The following NCAM2 variants were observed in gnomAD, a reference collection of about 807,000 sequenced individuals.
The protein encoded by NCAM2 is N-CAM-2.
NCAM2 carries 30 observed loss-of-function variants against 98.1 expected under a neutral mutation model. The observed-to-expected ratio is 0.31, with a 90% CI of 0.23 to 0.41. The LOEUF (loss-of-function observed/expected upper bound fraction) is 0.41, where lower values mean the gene tolerates loss of function less well. Among genes scored for constraint, NCAM2 ranks in the 10% least tolerant of loss-of-function variants. The pLI is 1.00. For missense variants in NCAM2, 867 were observed against 1,005.8 expected, an observed-to-expected ratio of 0.86 and a Z score of 1.87; for synonymous variants, 368 against 342.4, an observed-to-expected ratio of 1.07 and a Z score of -0.83.
intron 1 of NCAM2, among the ~76,000 whole-genome samples, chr21:21,042,673 G>T (rs922235338): frequency 6.6e-6 from 1 of 152,042 alleles, no homozygotes; most frequent in African/African-American, 2.4e-5. Flanking sequence ...CTCCCCTCAG[G>T]CCCTTCATTT....
intron 1 of NCAM2, among the ~76,000 whole-genome samples, chr21:21,023,607 A>T (rs1274415682): frequency 1.3e-5 from 2 of 152,060 alleles, no homozygotes; most frequent in African/African-American, 2.4e-5. Context: ...AGCTTAATAG[A>T]TGATGTCTCC....
intron 8 of NCAM2, among the ~76,000 whole-genome samples, chr21:21,370,826 C>T (rs1235316305): frequency 6.6e-6 from 1 of 151,846 alleles, no homozygotes; most frequent in East Asian, 1.9e-4. Context: ...ATTAAATACA[C>T]TAGTAAATGT....
At chr21:21,047,429 T>G (rs1346920885) in intron 1 of NCAM2, among the ~76,000 whole-genome samples, 1 of 152,200 alleles carries the variant, frequency 6.6e-6, no homozygotes, top group Non-Finnish European at 1.5e-5. Flanking sequence ...TTGACAGGTT[T>G]TTTTGCTTGT....
At chr21:21,379,476 C>G (rs188006498) in intron 9 of NCAM2, among the ~76,000 whole-genome samples, 1 of 152,074 alleles carries the variant, frequency 6.6e-6, no homozygotes, top group African/African-American at 2.4e-5. Flanking sequence ...TGTGATTCAG[C>G]TAAAAATATA....
chr21:21,445,030 A>G (rs1979894483), intron 12 of NCAM2, among the ~76,000 whole-genome samples: 1 of 151,926 alleles, frequency 6.6e-6, no homozygotes, highest in African/African-American at 2.4e-5. Flanking sequence ...CTGGTACTTC[A>G]TCTCTTCATT....
intron 6 of NCAM2, among the ~76,000 whole-genome samples, chr21:21,325,854 C>T (rs1156615989): frequency 6.6e-6 from 1 of 152,114 alleles, no homozygotes. Context: ...TTGAGATACT[C>T]ATGTTCCACT....
chr21:21,342,043 A>G (rs1041388652), intron 8 of NCAM2, among the ~76,000 whole-genome samples: 6 of 152,158 alleles, frequency 3.9e-5, no homozygotes, highest in African/African-American at 1.4e-4. Flanking sequence ...TTCACTTCCC[A>G]TGGGAGAAAA....
intron 15 of NCAM2, among the ~76,000 whole-genome samples, chr21:21,496,717 G>T (rs1987263503): frequency 6.6e-6 from 1 of 152,096 alleles, no homozygotes; most frequent in Admixed American, 6.6e-5. Context: ...TATTTCTTAG[G>T]TTGTCGTCCA....
intron 16 of NCAM2, among the ~76,000 whole-genome samples, chr21:21,513,905 TA>T (rs1393441501): frequency 6.6e-6 from 1 of 152,052 alleles, no homozygotes; most frequent in Non-Finnish European, 1.5e-5. Flanking sequence ...ATAATTGTTA[TA>T]TTCCCTTGAT....
At chr21:21,298,598 GATAGA>G (rs2073581677) in intron 5 of NCAM2, among the ~76,000 whole-genome samples, 1 of 53,768 alleles carries the variant, frequency 1.9e-5, no homozygotes, top group Admixed American at 1.8e-4. Flanking sequence ...CAGATAGATA[GATAGA>G]TAGATAGATA....
At chr21:21,007,787 A>G (rs982753784) in intron 1 of NCAM2, among the ~76,000 whole-genome samples, 4 of 152,002 alleles carry the variant, frequency 2.6e-5, no homozygotes, top group African/African-American at 9.7e-5. Context: ...CAAGGTCTTT[A>G]TGACCTGTAT....
At chr21:21,265,356 A>G (rs1004877680) in intron 1 of NCAM2, among the ~76,000 whole-genome samples, 2 of 106,460 alleles carry the variant, frequency 1.9e-5, no homozygotes, top group African/African-American at 7.0e-5. Flanking sequence ...GTATGTATAT[A>G]TTATATTATA....
intron 15 of NCAM2, among the ~76,000 whole-genome samples, chr21:21,504,117 ATCT>A (rs904664801): frequency 6.6e-6 from 1 of 151,934 alleles, no homozygotes; most frequent in African/African-American, 2.4e-5. Context: ...TTTTATCCAT[ATCT>A]TTTCATTACT....
intron 12 of NCAM2, among the ~76,000 whole-genome samples, chr21:21,437,474 C>CTGTGTGTGTGTGTGTGTG (rs3990174): frequency 0.15 from 21,764 of 144,148 alleles, 1,680 homozygotes; most frequent in African/African-American, 0.17. Flanking sequence ...CACCAAGATT[C>CTGTGTGTGTGTGTGTGTG]TGTGTGTGTG....
intron 1 of NCAM2, among the ~76,000 whole-genome samples, chr21:21,184,109 G>A (rs951097617): frequency 2.0e-5 from 3 of 151,970 alleles, no homozygotes; most frequent in Non-Finnish European, 2.9e-5. Context: ...TTGGGCTTTG[G>A]AGGAATTTTA....
At chr21:21,042,992 TACTC>T (rs1476053537) in intron 1 of NCAM2, among the ~76,000 whole-genome samples, 9 of 152,218 alleles carry the variant, frequency 5.9e-5, no homozygotes, top group East Asian at 5.8e-4. Flanking sequence ...CAATATAACT[TACTC>T]AAGCATTTAT....
intron 1 of NCAM2, among the ~76,000 whole-genome samples, chr21:21,110,663 A>G (rs1338684375): frequency 1.3e-5 from 2 of 151,070 alleles, no homozygotes; most frequent in Non-Finnish European, 3.0e-5. Context: ...ATTTTTTTGG[A>G]AAAACCTGTA....
intron 1 of NCAM2, among the ~76,000 whole-genome samples, chr21:21,107,296 G>T (rs1412454023): frequency 2.6e-5 from 4 of 152,060 alleles, no homozygotes; most frequent in African/African-American, 9.6e-5. Context: ...GACCTGTCCA[G>T]CACTATAGAT....
intron 1 of NCAM2, among the ~76,000 whole-genome samples, chr21:21,000,555 C>A (rs1025914392): frequency 7.9e-5 from 12 of 151,922 alleles, no homozygotes. Context: ...AGTCAGGATA[C>A]GAGGTGGTTA....
Sources: allele counts gnomAD v4.1 joint callset (sites outside exome capture counted in the v4.1 genomes callset), GRCh38; gene constraint gnomAD v4.1.1; transcripts MANE v1.5; gene names NCBI Gene and HGNC (gene_info 2026-07-23, HGNC 2026-07-21).